SAMD5: variants seen among roughly 807,000 people sequenced by gnomAD.
SAMD5 encodes the protein sterile alpha motif domain containing 5.
A neutral mutation model predicts 11.3 loss-of-function variants in SAMD5; 13 were observed. That is an observed-to-expected ratio of 1.15 (90% CI 0.75 to 1.83). The LOEUF (loss-of-function observed/expected upper bound fraction) is 1.83. SAMD5 is among the 40% of genes most tolerant of loss of function. SAMD5 has a pLI of 0.00. For missense variants in SAMD5, 255 were observed against 239.1 expected, an observed-to-expected ratio of 1.07 and a Z score of -0.44; for synonymous variants, 129 against 111.3, an observed-to-expected ratio of 1.16 and a Z score of -1.00.
downstream of SAMD5, among the ~76,000 whole-genome samples, chr6:147,737,864 A>G (rs1456810413): frequency 1.3e-5 from 2 of 152,142 alleles, no homozygotes; most frequent in East Asian, 1.9e-4. Flanking sequence ...AAGCCAGGAC[A>G]TCGGTTATTT....
At position 147,593,598 on chromosome 6, in the gene SAMD5, G is replaced by A. The variant is rs186435332; in HGVS notation, c.162+84211G>A. ...TCACTTGCAATTGCCTGAATGCAGC[G>A]TTTTTCAAGCTGCCTTCATCTGAAG... On this transcript the variant is annotated intron_variant, in intron 1 of 1. Transcript: ENST00000566741. Among the ~76,000 whole-genome samples, 90 of 152,310 alleles carry A rather than the reference G, an allele frequency of 5.9e-4. 1 individual carries two copies. The highest frequency in any genetic ancestry group is 1.9e-3 in the African/African-American group (80 of 41,564).
chr6:147,543,929 T>A (rs184182045), intron 1 of SAMD5, among the ~76,000 whole-genome samples: 970 of 152,190 alleles, frequency 6.4e-3, no homozygotes, highest in Non-Finnish European at 0.011. Flanking sequence ...GAGAGCAAGC[T>A]CCTCTCTTTT....
At chr6:147,739,751 T>C (rs1335554926), downstream of SAMD5, among the ~76,000 whole-genome samples, 1 of 152,202 alleles carries the variant, frequency 6.6e-6, no homozygotes, top group East Asian at 1.9e-4. Flanking sequence ...ATGTTTGTTA[T>C]TCACATTAAT....
the SAMD5 span, among the ~76,000 whole-genome samples, chr6:147,948,480 A>C: frequency 6.6e-6 from 1 of 152,284 alleles, no homozygotes; most frequent in Non-Finnish European, 1.5e-5. Flanking sequence ...GACCTTTGTT[A>C]TCTTACGTTA....
the SAMD5 span, among the ~76,000 whole-genome samples, chr6:147,952,124 G>T: frequency 6.6e-6 from 1 of 152,072 alleles, no homozygotes; most frequent in Non-Finnish European, 1.5e-5. Flanking sequence ...TCCAAGGCAC[G>T]CTGATTAATC....
chr6:147,744,787 A>T, the SAMD5 span, among the ~76,000 whole-genome samples: 1 of 152,084 alleles, frequency 6.6e-6, no homozygotes, highest in Non-Finnish European at 1.5e-5. Flanking sequence ...AATCCCTGCT[A>T]CTTGGGAAGC....
the SAMD5 span, among the ~76,000 whole-genome samples, chr6:147,931,797 G>T: frequency 6.6e-6 from 1 of 152,138 alleles, no homozygotes; most frequent in Admixed American, 6.5e-5. Flanking sequence ...AAAGCCTGTG[G>T]CAATCAGAGG....
Position 147,548,655 on chromosome 6 carries a change from T to C in SAMD5, c.460-15739T>C, listed in dbSNP as rs191398167. ...CCAAAGGTATCCTCTATGCCTTTTT[T>C]CCCTTTGTTTCCAAAATGATCTGCT... On this transcript the variant is annotated intron_variant, in intron 1 of 1. Transcript: ENST00000367474. 3.9e-3 allele frequency among the ~76,000 whole-genome samples: 601 copies of C among 152,326 alleles called. 3 individuals carry two copies. The highest frequency in any genetic ancestry group is 0.014 in the African/African-American group (573 of 41,566).
At chr6:147,917,631 C>A in the SAMD5 span, among the ~76,000 whole-genome samples, 2 of 152,028 alleles carry the variant, frequency 1.3e-5, no homozygotes, top group African/African-American at 4.8e-5. Flanking sequence ...AAGACCTTGC[C>A]CATGCCTATG....
chr6:147,749,652 AT>A, the SAMD5 span, among the ~76,000 whole-genome samples: 1 of 152,174 alleles, frequency 6.6e-6, no homozygotes, highest in South Asian at 2.1e-4. Flanking sequence ...TGTATGATAG[AT>A]GTGAATGGCA....
At chr6:147,645,125 G>T (rs1790377935) in intron 1 of SAMD5, among the ~76,000 whole-genome samples, 1 of 152,124 alleles carries the variant, frequency 6.6e-6, no homozygotes, top group South Asian at 2.1e-4. Flanking sequence ...CATAATCAGA[G>T]GCTCCGTGGG....
At chr6:147,528,799 T>C (rs1788384171) in intron 1 of SAMD5, among the ~76,000 whole-genome samples, 2 of 152,358 alleles carry the variant, frequency 1.3e-5, no homozygotes, top group African/African-American at 2.4e-5. Context: ...GCAGTCACTA[T>C]TGCAATAACT....
At chr6:147,883,823 A>G in the SAMD5 span, among the ~76,000 whole-genome samples, 7 of 152,200 alleles carry the variant, frequency 4.6e-5, no homozygotes, top group Non-Finnish European at 2.9e-5. Context: ...AGGCCACTGA[A>G]ATGTGGAAAT....
intron 1 of SAMD5, among the ~76,000 whole-genome samples, chr6:147,648,171 A>G (rs1399929815): frequency 1.3e-5 from 2 of 152,186 alleles, no homozygotes; most frequent in African/African-American, 4.8e-5. Flanking sequence ...TTATAAAGGA[A>G]GGAGATTTAA....
the SAMD5 span, among the ~76,000 whole-genome samples, chr6:147,894,486 G>C: frequency 6.6e-6 from 1 of 152,092 alleles, no homozygotes; most frequent in Non-Finnish European, 1.5e-5. Flanking sequence ...AATCTGCCCA[G>C]TTCCTAATGA....
chr6:147,689,394 C>T (rs181364016), intron 1 of SAMD5, among the ~76,000 whole-genome samples: 7 of 151,594 alleles, frequency 4.6e-5, no homozygotes, highest in African/African-American at 1.7e-4. Context: ...CAACTCATTA[C>T]CTTGGAAAAT....
the SAMD5 span, among the ~76,000 whole-genome samples, chr6:147,931,707 C>T: frequency 6.6e-6 from 1 of 152,172 alleles, no homozygotes; most frequent in South Asian, 2.1e-4. Context: ...AGCAAGGAAA[C>T]ATGCTGCCAG....
At chr6:147,834,415 G>A in the SAMD5 span, among the ~76,000 whole-genome samples, 8 of 152,164 alleles carry the variant, frequency 5.3e-5, no homozygotes, top group African/African-American at 7.2e-5. Flanking sequence ...ACATTATAGC[G>A]AGTGTAGCCA....
In SAMD5 at chr6:147,564,579, C is replaced by A. The variant is rs1416920075; in HGVS notation, c.*123C>A. The A allele has an allele frequency of 2.1e-6, 3 of 1,404,740 alleles. No individual in the cohort carries two copies. Among genetic ancestry groups the A allele is most frequent in the Admixed American group, 2.4e-5 (1 of 41,706 alleles). 87.0% of individuals were successfully genotyped at this position (1,404,740 alleles called of 1,614,324 possible). ...ACCCTGGAAATACTCATCAGCTTAA[C>A]TTTTTGCTTGGACAAATTCTGGAAT... On this transcript the variant is annotated 3_prime_UTR_variant, in exon 2 of 2. Coordinates refer to ENST00000367474, the MANE Select transcript of SAMD5 (RefSeq NM_001030060.3).
Sources: allele counts gnomAD v4.1 joint callset (sites outside exome capture counted in the v4.1 genomes callset), GRCh38; gene constraint gnomAD v4.1.1; transcripts MANE v1.5; gene names NCBI Gene and HGNC (gene_info 2026-07-23, HGNC 2026-07-21).